Variants in BACH2 observed in about 807,000 individuals in gnomAD.
BACH2 encodes transcription regulator protein BACH2.
In BACH2, 5 loss-of-function variants were observed where a neutral mutation model predicts 61.8. The observed-to-expected ratio is 0.08, with a 90% CI of 0.04 to 0.17. The LOEUF is 0.17. Ranked by LOEUF, BACH2 falls within the 10% of genes least tolerant of loss-of-function variation. BACH2 has a pLI of 1.00. For missense variants in BACH2, 824 were observed against 1,091.1 expected, an observed-to-expected ratio of 0.76 and a Z score of 3.45; for synonymous variants, 446 against 440.1, an observed-to-expected ratio of 1.01 and a Z score of -0.17.
chr6:89,932,568 T>G lies in BACH2; in HGVS notation c.2366A>C (p.Asn789Thr), dbSNP rs754299207. 2.7e-5 allele frequency: 44 copies of G among 1,613,972 alleles called. No homozygotes were observed. The highest frequency in any genetic ancestry group is 3.6e-5 in the Non-Finnish European group (43 of 1,180,022). The part of the protein sequence containing the change: ...PPWAPSNTSE[N>T]CTSGRRLEGT... ...TTCTAGTCTCCTCCCAGAGGTACAATTCTCGGAGGTGTTGCTGGGTGCCCA... is the reference window on the plus strand; with the variant it reads ...TTCTAGTCTCCTCCCAGAGGTACAAGTCTCGGAGGTGTTGCTGGGTGCCCA... Residue 789 changes from asparagine to threonine, a missense_variant, in exon 9 of 9, where the codon AAT becomes ACT. Asn to Thr is a moderately conservative substitution (Grantham distance 65). Transcript: ENST00000257749.
intron 5 of BACH2, among the ~76,000 whole-genome samples, chr6:90,086,117 C>G (rs1223559430): frequency 6.6e-6 from 1 of 152,176 alleles, no homozygotes; most frequent in Non-Finnish European, 1.5e-5. Context: ...TTTCACTTAG[C>G]ATCTTCAGGG....
chr6:90,017,331 T>G (rs1778122222), intron 5 of BACH2, among the ~76,000 whole-genome samples: 1 of 152,164 alleles, frequency 6.6e-6, no homozygotes. Context: ...GTGATTCTCC[T>G]GCTTCAGCCT....
chr6:89,982,322 TG>T (rs1776000578), intron 6 of BACH2, among the ~76,000 whole-genome samples: 2 of 151,460 alleles, frequency 1.3e-5, no homozygotes, highest in African/African-American at 4.9e-5. Context: ...CTTGGGCACG[TG>T]GGGGTGGGGT....
chr6:90,221,513 C>T (rs907439482), intron 3 of BACH2, among the ~76,000 whole-genome samples: 1 of 152,152 alleles, frequency 6.6e-6, no homozygotes, highest in Non-Finnish European at 1.5e-5. Flanking sequence ...TTACTACACA[C>T]GAGGTACTGC....
At chr6:89,944,273 T>G (rs1022534780) in intron 7 of BACH2, among the ~76,000 whole-genome samples, 2 of 152,230 alleles carry the variant, frequency 1.3e-5, no homozygotes, top group African/African-American at 4.8e-5. Context: ...TACAACTGGA[T>G]GACAGGTGGA....
chr6:90,224,397 T>G (rs547558463), intron 3 of BACH2, among the ~76,000 whole-genome samples: 1 of 152,296 alleles, frequency 6.6e-6, no homozygotes, highest in African/African-American at 2.4e-5. Context: ...TCATCAAGTG[T>G]GCTGAATATG....
intron 6 of BACH2, among the ~76,000 whole-genome samples, chr6:89,960,641 A>G (rs555240045): frequency 3.9e-5 from 6 of 152,332 alleles, no homozygotes; most frequent in Admixed American, 2.0e-4. Flanking sequence ...TTCCTGCTCA[A>G]TGAAACTCTG....
chr6:90,061,620 G>A (rs899542200), intron 5 of BACH2, among the ~76,000 whole-genome samples: 4 of 152,072 alleles, frequency 2.6e-5, no homozygotes, highest in Non-Finnish European at 5.9e-5. Context: ...AGAGTGCAGA[G>A]AGAAAACATA....
intron 8 of BACH2, among the ~76,000 whole-genome samples, chr6:89,934,797 C>T (rs1314585574): frequency 1.3e-5 from 2 of 151,936 alleles, no homozygotes; most frequent in African/African-American, 4.8e-5. Context: ...CAAGCGCAGG[C>T]AGGAGAAGAG....
Position 90,206,082 on chromosome 6 carries a change from T to C in BACH2, c.-162+487A>G, listed in dbSNP as rs185696764. On this transcript the variant is annotated intron_variant, in intron 4 of 8. Transcript: ENST00000257749. ...GTAAATATGTATCAAGTGCTTGTAA[T>C]GTGGACAGGTACCATATTAAGCACT... 2.0e-4 allele frequency among the ~76,000 whole-genome samples: 31 copies of C among 152,314 alleles called. No individual in the cohort carries two copies. In the East Asian group the frequency reaches 3.7e-3, roughly 18 times the overall value.
In BACH2 at chr6:90,296,793, C is replaced by CGCTGCT. The variant is rs556781951; in HGVS notation, c.-765_-760dup. 400 of 173,948 alleles carry CGCTGCT rather than the reference C, an allele frequency of 2.3e-3. 6 individuals are homozygous for CGCTGCT. Among genetic ancestry groups the CGCTGCT allele is most frequent in the African/African-American group, 7.8e-3 (326 of 41,672 alleles). The allele number at this position is 173,948 out of a possible 1,614,324, so 10.8% of individuals were successfully genotyped here. ...CCCGGGCGTGCACGGCCGCTGCTGCCGCTGCTGCTGCTGCTGCTGCTGCTG... is the reference window on the plus strand; with the variant it reads ...CCCGGGCGTGCACGGCCGCTGCTGCCGCTGCTGCTGCTGCTGCTGCTGCTGCTGCTG... On this transcript the variant is annotated 5_prime_UTR_variant, in exon 1 of 9. Transcript: ENST00000257749.
At chr6:89,954,449 C>G (rs1389420560) in intron 6 of BACH2, among the ~76,000 whole-genome samples, 3 of 93,968 alleles carry the variant, frequency 3.2e-5, no homozygotes, top group African/African-American at 1.3e-4. Flanking sequence ...TCCCTCCCCC[C>G]TCCCCCCACC....
intron 3 of BACH2, among the ~76,000 whole-genome samples, chr6:90,211,987 G>T (rs1769370742): frequency 6.6e-6 from 1 of 152,182 alleles, no homozygotes; most frequent in Non-Finnish European, 1.5e-5. Context: ...AAGAGCTTTT[G>T]GAGAAGGAGT....
intron 1 of BACH2, among the ~76,000 whole-genome samples, chr6:90,279,864 T>C (rs1771806721): frequency 6.6e-6 from 1 of 152,168 alleles, no homozygotes; most frequent in Non-Finnish European, 1.5e-5. Flanking sequence ...AAGTGACTAA[T>C]TACATAAAGG....
At chr6:90,253,536 T>C (rs768266972) in intron 2 of BACH2, among the ~76,000 whole-genome samples, 1 of 152,198 alleles carries the variant, frequency 6.6e-6, no homozygotes, top group Non-Finnish European at 1.5e-5. Context: ...TGCTCAACTC[T>C]ACCAATCTGT....
intron 4 of BACH2, among the ~76,000 whole-genome samples, chr6:90,152,566 G>A (rs898110476): frequency 2.0e-5 from 3 of 152,160 alleles, no homozygotes; most frequent in African/African-American, 7.2e-5. Context: ...ACATTTCTGA[G>A]AAATATACTT....
intron 2 of BACH2, among the ~76,000 whole-genome samples, chr6:90,255,741 G>A (rs1770955492): frequency 6.6e-6 from 1 of 152,204 alleles, no homozygotes; most frequent in Non-Finnish European, 1.5e-5. Context: ...AGAGAAAAGT[G>A]CAAGATAAAT....
chr6:90,040,969 G>C (rs184483401), intron 5 of BACH2, among the ~76,000 whole-genome samples: 12 of 152,258 alleles, frequency 7.9e-5, no homozygotes, highest in Admixed American at 7.2e-4. Flanking sequence ...CTGATTCACA[G>C]AAGAAAGCAT....
chr6:89,934,308 A>G (rs1326245668), intron 8 of BACH2, among the ~76,000 whole-genome samples: 1 of 152,168 alleles, frequency 6.6e-6, no homozygotes. Context: ...TCACCATCCC[A>G]ATAGAGAGGT....
Sources: gnomAD v4.1 joint callset for allele counts (sites outside exome capture counted in the v4.1 genomes callset) on GRCh38, gnomAD v4.1.1 for gene constraint, MANE v1.5 for transcripts, NCBI Gene and HGNC (gene_info 2026-07-23, HGNC 2026-07-21) for gene names.